CERT1: variants seen among roughly 807,000 people sequenced by gnomAD.
CERT1 encodes the protein ceramide transfer protein.
CERT1 carries 31 observed loss-of-function variants against 87.9 expected under a neutral mutation model. That is an observed-to-expected ratio of 0.35 (90% confidence interval 0.27 to 0.48). The LOEUF is 0.48. Ranked by LOEUF, CERT1 falls within the 20% of genes least tolerant of loss-of-function variation. The probability of loss-of-function intolerance (pLI) is 0.99; values close to 1 mark genes in which losing one functional copy is unlikely to be tolerated. For synonymous variants in CERT1, 289 were observed against 250.9 expected, an observed-to-expected ratio of 1.15 and a Z score of -1.44; for missense variants, 487 against 758.0, an observed-to-expected ratio of 0.64 and a Z score of 4.20.
At chr5:75,491,260 A>T (rs963779438) in intron 2 of CERT1, among the ~76,000 whole-genome samples, 1 of 152,058 alleles carries the variant, frequency 6.6e-6, no homozygotes, top group Admixed American at 6.5e-5. Context: ...AGTAGAGAAG[A>T]GGGTTGTAGG....
At chr5:75,388,174 C>T (rs889246523) in intron 12 of CERT1, among the ~76,000 whole-genome samples, 5 of 152,196 alleles carry the variant, frequency 3.3e-5, no homozygotes, top group African/African-American at 1.2e-4. Context: ...AGCAGCTGAT[C>T]TCAAACTATT....
chr5:75,447,382 T>C (rs1764588549), intron 3 of CERT1, among the ~76,000 whole-genome samples: 1 of 152,100 alleles, frequency 6.6e-6, no homozygotes, highest in African/African-American at 2.4e-5. Flanking sequence ...AAGAGAAAAA[T>C]ATACCGTTGT....
At chr5:75,495,719 A>T (rs761872778) in intron 2 of CERT1, among the ~76,000 whole-genome samples, 22 of 152,324 alleles carry the variant, frequency 1.4e-4, no homozygotes, top group Admixed American at 5.2e-4. Context: ...GCCACTGCAG[A>T]TCCAATATAA....
At chr5:75,486,501 G>C (rs1192228463) in intron 2 of CERT1, among the ~76,000 whole-genome samples, 3 of 152,072 alleles carry the variant, frequency 2.0e-5, no homozygotes, top group African/African-American at 7.2e-5. Flanking sequence ...TAGAGCAATT[G>C]AAAAAGAGAA....
At chr5:75,478,528 A>G (rs1580828228) in intron 2 of CERT1, among the ~76,000 whole-genome samples, 2 of 152,246 alleles carry the variant, frequency 1.3e-5, no homozygotes, top group East Asian at 3.9e-4. Context: ...AGAATCAGCA[A>G]CTTCAAACAC....
chr5:75,459,672 G>C (rs1024158524), intron 2 of CERT1, among the ~76,000 whole-genome samples: 1 of 151,906 alleles, frequency 6.6e-6, no homozygotes, highest in African/African-American at 2.4e-5. Context: ...TTTTAAAAAT[G>C]TAGGCTTGCT....
At chr5:75,417,123 A>G (rs1763164259) in intron 6 of CERT1, 90 bp from the exon 7 acceptor site, 1 of 1,052,054 alleles carries the variant, frequency 9.5e-7, no homozygotes. Context: ...AAAATTAGCA[A>G]GTCAGAGCAG....
chr5:75,498,598 T>C (rs1767189706), intron 2 of CERT1, among the ~76,000 whole-genome samples: 1 of 152,174 alleles, frequency 6.6e-6, no homozygotes, highest in South Asian at 2.1e-4. Flanking sequence ...TTTCCCACGG[T>C]GTTGGGCCAG....
chr5:75,450,465 T>A (rs1764727340), intron 3 of CERT1, among the ~76,000 whole-genome samples: 1 of 152,172 alleles, frequency 6.6e-6, no homozygotes, highest in Non-Finnish European at 1.5e-5. Context: ...TTCTTTGACA[T>A]ATTTTGAAAT....
chr5:75,416,837 A>C, intron 7 of CERT1, 39 bp downstream of exon 7: 4 of 1,515,768 alleles, frequency 2.6e-6, no homozygotes, highest in Non-Finnish European at 3.6e-6. Context: ...GTAAAACTTA[A>C]ATGTGATTAT....
intron 11 of CERT1, among the ~76,000 whole-genome samples, chr5:75,391,618 G>A (rs1002028053): frequency 3.3e-5 from 5 of 152,260 alleles, no homozygotes; most frequent in African/African-American, 7.2e-5. Flanking sequence ...TTGGGAGGGC[G>A]AGGATAACCA....
chr5:75,397,342 T>A (rs1762295887), intron 11 of CERT1, among the ~76,000 whole-genome samples: 1 of 152,214 alleles, frequency 6.6e-6, no homozygotes, highest in African/African-American at 2.4e-5. Context: ...AAGATTTCTC[T>A]CAAGTTACAT....
chr5:75,419,511 G>GAATCAGAATCCA, intron 5 of CERT1, 87 bp from the exon 6 acceptor site: 1 of 874,464 alleles, frequency 1.1e-6, no homozygotes, highest in Non-Finnish European at 1.8e-6. Flanking sequence ...ATTTTACTCT[G>GAATCAGAATCCA]GATTCTGATT....
At chr5:75,425,641 A>C in intron 4 of CERT1, 142 bp from the exon 5 acceptor site, 1 of 685,834 alleles carries the variant, frequency 1.5e-6, no homozygotes, top group South Asian at 2.5e-5. Flanking sequence ...GTTCAATATA[A>C]TACTTCTAGG....
Position 75,427,961 on chromosome 5 carries a change from G to C in CERT1, c.349-1483C>G, listed in dbSNP as rs1763693803. 2.0e-5 allele frequency among the ~76,000 whole-genome samples: 3 copies of C among 151,908 alleles called. No individual in the cohort carries two copies. The South Asian group carries it at 6.2e-4, about 32-fold the overall frequency. On this transcript the variant is annotated intron_variant, in intron 3 of 16. Coordinates refer to ENST00000643780, the MANE Select transcript of CERT1 (RefSeq NM_001379029.1). ...TGGTTACAATGAAAAATTATTTAAA[G>C]TTACAAACATTTCAAGATTAATATT...
chr5:75,419,467 G>C (rs1463155901), intron 5 of CERT1, 43 bp from the exon 6 acceptor site: 1 of 1,289,232 alleles, frequency 7.8e-7, no homozygotes, highest in Non-Finnish European at 1.1e-6. Context: ...AAAAGAAATA[G>C]AAATTAATGT....
intron 11 of CERT1, among the ~76,000 whole-genome samples, chr5:75,399,026 A>AT (rs1762366810): frequency 6.6e-6 from 1 of 152,198 alleles, no homozygotes; most frequent in South Asian, 2.1e-4. Context: ...ATATTACATG[A>AT]TATACAAAAC....
At chr5:75,439,355 T>C (rs575109961) in intron 3 of CERT1, among the ~76,000 whole-genome samples, 3 of 152,052 alleles carry the variant, frequency 2.0e-5, no homozygotes, top group Non-Finnish European at 2.9e-5. Context: ...GTATAAAACA[T>C]AGTAAAAAGG....
intron 7 of CERT1, among the ~76,000 whole-genome samples, chr5:75,412,262 C>T (rs1392627661): frequency 6.6e-6 from 1 of 152,126 alleles, no homozygotes; most frequent in Non-Finnish European, 1.5e-5. Flanking sequence ...GTAAGCACCA[C>T]ACTTTTGAAA....
Sources: allele counts gnomAD v4.1 joint callset (sites outside exome capture counted in the v4.1 genomes callset), GRCh38; gene constraint gnomAD v4.1.1; transcripts MANE v1.5; gene names NCBI Gene and HGNC (gene_info 2026-07-23, HGNC 2026-07-21).